Variants in SYT17 observed in about 807,000 individuals in gnomAD.
SYT17 encodes synaptotagmin-17.
SYT17 carries 22 observed loss-of-function variants against 46.7 expected under a neutral mutation model. The ratio of observed to expected loss-of-function variants is 0.47; its 90% CI spans 0.34 to 0.67. SYT17 has a LOEUF of 0.67. SYT17 is among the 30% of genes least tolerant of loss of function. The probability of loss-of-function intolerance (pLI) is 0.01; values close to 1 mark genes in which losing one functional copy is unlikely to be tolerated. For synonymous variants in SYT17, 251 were observed against 248.4 expected, an observed-to-expected ratio of 1.01 and a Z score of -0.10; for missense variants, 519 against 612.8, an observed-to-expected ratio of 0.85 and a Z score of 1.62.
intron 7 of SYT17, among the ~76,000 whole-genome samples, chr16:19,258,884 T>C (rs1968770999): frequency 6.6e-6 from 1 of 152,160 alleles, no homozygotes; most frequent in African/African-American, 2.4e-5. Flanking sequence ...TAATACACAG[T>C]AGGTGCTTAA....
At chr16:19,179,300 A>C (rs1381917139) in intron 3 of SYT17, among the ~76,000 whole-genome samples, 1 of 152,048 alleles carries the variant, frequency 6.6e-6, no homozygotes, top group Non-Finnish European at 1.5e-5. Flanking sequence ...GCTAATTTAA[A>C]AAATTTTTTT....
chr16:19,223,148 A>G lies in SYT17; in HGVS notation c.1055A>G (p.Asp352Gly), dbSNP rs1221656120. The G allele has an allele frequency of 5.0e-6, 8 of 1,613,718 alleles. No individual in the cohort carries two copies. Among genetic ancestry groups the G allele is most frequent in the South Asian group, 1.1e-5 (1 of 91,060 alleles). The change falls in exon 6 of 8, where the codon GAT becomes GGT. Residue 352 changes from aspartate (D) to glycine (G), a missense_variant. Physicochemically the swap from Asp to Gly is moderately conservative, Grantham distance 94. Coordinates refer to ENST00000355377, the MANE Select transcript of SYT17 (RefSeq NM_016524.4). ...CGAGCCAAGCAACTTCTTCAGACAGATGTGAGCCAAGGTTCAGGTACCGTG... is the reference window on the plus strand; with the variant it reads ...CGAGCCAAGCAACTTCTTCAGACAGGTGTGAGCCAAGGTTCAGGTACCGTG... ...VIRAKQLLQT[D>G]VSQGSDPFVK...
At chr16:19,226,379 T>C (rs1172277307) in intron 7 of SYT17, among the ~76,000 whole-genome samples, 3 of 152,142 alleles carry the variant, frequency 2.0e-5, no homozygotes, top group Non-Finnish European at 2.9e-5. Context: ...GCTCCAGGTC[T>C]CCCAAGAAAT....
chr16:19,202,788 G>T (rs375164606), intron 5 of SYT17, among the ~76,000 whole-genome samples: 2 of 152,094 alleles, frequency 1.3e-5, no homozygotes, highest in Non-Finnish European at 2.9e-5. Context: ...GTGCAGTGGC[G>T]CAATGATGGC....
At chr16:19,213,864 T>C (rs1334933578) in intron 5 of SYT17, among the ~76,000 whole-genome samples, 2 of 152,172 alleles carry the variant, frequency 1.3e-5, no homozygotes, top group African/African-American at 4.8e-5. Flanking sequence ...AAGTCTTCGG[T>C]TCCTGTTAAA....
At chr16:19,262,982 T>C (rs1276649605) in intron 7 of SYT17, among the ~76,000 whole-genome samples, 2 of 151,566 alleles carry the variant, frequency 1.3e-5, no homozygotes, top group Non-Finnish European at 2.9e-5. Context: ...TTCATTCTTA[T>C]AAACAATGCC....
At chr16:19,229,531 A>G (rs1004033447) in intron 7 of SYT17, among the ~76,000 whole-genome samples, 1 of 152,182 alleles carries the variant, frequency 6.6e-6, no homozygotes, top group East Asian at 1.9e-4. Flanking sequence ...CTTATGATCC[A>G]TCACCTCCCA....
At chr16:19,188,500 A>C (rs1964872061) in intron 5 of SYT17, among the ~76,000 whole-genome samples, 1 of 147,234 alleles carries the variant, frequency 6.8e-6, no homozygotes, top group Non-Finnish European at 1.5e-5. Context: ...AAGTTAAAAA[A>C]AATTCAGTTC....
intron 5 of SYT17, among the ~76,000 whole-genome samples, chr16:19,184,353 A>G (rs1964690738): frequency 6.6e-6 from 1 of 151,952 alleles, no homozygotes; most frequent in Non-Finnish European, 1.5e-5. Flanking sequence ...CAACCAGGAA[A>G]TAGATGTTGG....
intron 5 of SYT17, chr16:19,211,581 C>A (rs1010945882): frequency 9.3e-6 from 6 of 648,188 alleles, no homozygotes; most frequent in Non-Finnish European, 1.7e-5. Context: ...TTGAGATTCC[C>A]AGGGAATAGC....
rs756259370 is a variant in SYT17, at chr16:19,255,462, G to A, written c.1229-11418G>A. On this transcript the variant is annotated intron_variant, in intron 7 of 7. Coordinates refer to ENST00000355377, the MANE Select transcript of SYT17 (RefSeq NM_016524.4). ...ATCAAAAATGCCTCCAGATTGTGGG[G>A]TAAAATTGGCCCCTGTTGAAAACAA... 5.3e-5 allele frequency among the ~76,000 whole-genome samples: 8 copies of A among 152,170 alleles called. No homozygotes were observed. In the East Asian group the frequency reaches 5.8e-4, roughly 11 times the overall value.
intron 7 of SYT17, chr16:19,250,170 G>A: frequency 2.4e-6 from 3 of 1,270,424 alleles, no homozygotes; most frequent in Non-Finnish European, 3.1e-6. Context: ...ATTGTCCCAT[G>A]AACACCCATA....
intron 5 of SYT17, among the ~76,000 whole-genome samples, chr16:19,219,749 G>T (rs1336335437): frequency 6.6e-6 from 1 of 152,084 alleles, no homozygotes; most frequent in African/African-American, 2.4e-5. Context: ...AAATCTGTGT[G>T]CTATCCATCC....
chr16:19,180,474 C>T lies in SYT17; in HGVS notation c.266C>T (p.Pro89Leu), dbSNP rs765114023. ...EVPLTPRTNS[P>L]DGRRSSSDTS... The stretch of plus-strand genomic sequence containing the variant: ...CCGCTGACCCCACGGACCAATTCCC[C>T]GGATGGAAGACGCTCGTCCTCAGAC... Residue 89 changes from proline to leucine, a missense_variant, in exon 4 of 8, where the codon CCG (proline) becomes CTG (leucine). Transcript: ENST00000355377. The T allele has an allele frequency of 2.6e-5, 42 of 1,614,042 alleles. 1 individual carries two copies. In the Middle Eastern group the frequency reaches 6.6e-4, roughly 25 times the overall value.
intron 5 of SYT17, among the ~76,000 whole-genome samples, chr16:19,216,788 A>C (rs2142833923): frequency 6.6e-6 from 1 of 152,236 alleles, no homozygotes; most frequent in Non-Finnish European, 1.5e-5. Flanking sequence ...TCATTGTTGG[A>C]CATTGGGGTT....
At chr16:19,173,405 C>G in intron 2 of SYT17, 25 bp from the exon 3 acceptor site, 3 of 1,250,832 alleles carry the variant, frequency 2.4e-6, no homozygotes, top group Non-Finnish European at 2.2e-6. Context: ...CCCATCCCCC[C>G]GCCCACCTCC....
intron 3 of SYT17, among the ~76,000 whole-genome samples, chr16:19,179,900 C>T (rs976248446): frequency 1.3e-5 from 2 of 152,184 alleles, no homozygotes; most frequent in South Asian, 2.1e-4. Flanking sequence ...ATTTCTGCCG[C>T]GCAAAGAACC....
At chr16:19,188,513 C>CAAAAAAAAAAAA (rs61202540) in intron 5 of SYT17, among the ~76,000 whole-genome samples, 15 of 64,570 alleles carry the variant, frequency 2.3e-4, no homozygotes, top group African/African-American at 4.6e-4. Context: ...TTCAGTTCTG[C>CAAAAAAAAAAAA]AAAAAAAAAA....
At chr16:19,196,865 T>A (rs75366099) in intron 5 of SYT17, among the ~76,000 whole-genome samples, 5 of 152,204 alleles carry the variant, frequency 3.3e-5, no homozygotes, top group Non-Finnish European at 7.3e-5. Flanking sequence ...GACTTTTTTT[T>A]AAGCCAAAAT....
Sources: allele counts gnomAD v4.1 joint callset (sites outside exome capture counted in the v4.1 genomes callset), GRCh38; gene constraint gnomAD v4.1.1; transcripts MANE v1.5; gene names NCBI Gene and HGNC (gene_info 2026-07-23, HGNC 2026-07-21).